SYT9: variants seen among roughly 807,000 people sequenced by gnomAD.
SYT9 encodes synaptotagmin-9.
A neutral mutation model predicts 48.4 loss-of-function variants in SYT9; 22 were observed. The ratio of observed to expected loss-of-function variants is 0.45; its 90% CI spans 0.32 to 0.65. SYT9 has a LOEUF of 0.65. Ranked by LOEUF, SYT9 falls within the 30% of genes least tolerant of loss-of-function variation. The pLI, the probability that SYT9 is intolerant of heterozygous loss-of-function variation, is 0.03. For missense variants in SYT9, 577 were observed against 622.0 expected (o/e 0.93, Z 0.77); for synonymous variants, 265 against 245.0 (o/e 1.08, Z -0.76).
intron 3 of SYT9, among the ~76,000 whole-genome samples, chr11:7,375,170 T>C (rs1371851701): frequency 6.6e-6 from 1 of 152,210 alleles, no homozygotes; most frequent in Non-Finnish European, 1.5e-5. Context: ...ATTTATTAAA[T>C]AGGGAATCCT....
intron 3 of SYT9, among the ~76,000 whole-genome samples, chr11:7,319,404 ATTTCATTGT>A (rs1849301354): frequency 1.5e-5 from 1 of 65,636 alleles, no homozygotes; most frequent in African/African-American, 3.9e-5. Context: ...TAAAACTATC[ATTTCATTGT>A]CTTCTGACCT....
chr11:7,366,849 T>A (rs1414768940), intron 3 of SYT9, among the ~76,000 whole-genome samples: 1 of 152,014 alleles, frequency 6.6e-6, no homozygotes, highest in Non-Finnish European at 1.5e-5. Context: ...CCACAAATTG[T>A]GTTCAAGTGC....
chr11:7,426,494 C>T (rs1847460581), intron 6 of SYT9, among the ~76,000 whole-genome samples: 1 of 152,198 alleles, frequency 6.6e-6, no homozygotes, highest in African/African-American at 2.4e-5. Context: ...AATACTCTCA[C>T]ATCCTTCAGG....
intron 3 of SYT9, among the ~76,000 whole-genome samples, chr11:7,340,414 T>C (rs1311201798): frequency 1.3e-5 from 2 of 152,148 alleles, no homozygotes; most frequent in African/African-American, 4.8e-5. Flanking sequence ...AGTGCAGACA[T>C]TTGGAGGATA....
At chr11:7,384,950 G>T (rs574338287) in intron 3 of SYT9, among the ~76,000 whole-genome samples, 5 of 152,100 alleles carry the variant, frequency 3.3e-5, no homozygotes, top group East Asian at 1.9e-4. Flanking sequence ...TGCATGGCTT[G>T]CTTCCTTACC....
At chr11:7,247,572 C>CATATACATATATGTGTATATATACGTAT (rs1847807028), upstream of SYT9, among the ~76,000 whole-genome samples, 1 of 142,534 alleles carries the variant, frequency 7.0e-6, no homozygotes, top group Non-Finnish European at 1.5e-5. Context: ...CATATATACA[C>CATATACATATATGTGTATATATACGTAT]ATATACATAT....
chr11:7,263,496 G>A (rs746133163), intron 1 of SYT9, among the ~76,000 whole-genome samples: 9 of 152,132 alleles, frequency 5.9e-5, no homozygotes, highest in Non-Finnish European at 1.0e-4. Context: ...ACTTACCAAG[G>A]GGTGAATAAA....
At chr11:7,421,886 C>T (rs150129870) in intron 6 of SYT9, among the ~76,000 whole-genome samples, 88 of 152,240 alleles carry the variant, frequency 5.8e-4, no homozygotes, top group Admixed American at 1.4e-3. Flanking sequence ...GCTACAAAAG[C>T]GCAAAGGAGA....
At chr11:7,261,255 C>G (rs541396640) in intron 1 of SYT9, among the ~76,000 whole-genome samples, 1 of 152,294 alleles carries the variant, frequency 6.6e-6, no homozygotes, top group East Asian at 1.9e-4. Flanking sequence ...TTTGTATCAG[C>G]TGTAGCACTG....
chr11:7,306,535 G>A (rs1849033735), intron 2 of SYT9, among the ~76,000 whole-genome samples: 1 of 152,176 alleles, frequency 6.6e-6, no homozygotes, highest in Non-Finnish European at 1.5e-5. Flanking sequence ...GAAGCTTGTT[G>A]TACTGCAGCT....
intron 1 of SYT9, among the ~76,000 whole-genome samples, chr11:7,259,197 G>A (rs1426427571): frequency 2.6e-5 from 4 of 151,924 alleles, no homozygotes; most frequent in African/African-American, 9.7e-5. Context: ...CATAGTACCT[G>A]GTATATGCTC....
intron 3 of SYT9, among the ~76,000 whole-genome samples, chr11:7,336,848 A>G (rs1849639109): frequency 6.6e-6 from 1 of 152,152 alleles, no homozygotes; most frequent in Admixed American, 6.5e-5. Flanking sequence ...TTTTGGTTCC[A>G]TATGAATTTT....
In SYT9 at chr11:7,252,596, C is replaced by A. The variant is rs959088503; in HGVS notation, c.145+265C>A. 1.3e-5 allele frequency among the ~76,000 whole-genome samples: 2 copies of A among 152,218 alleles called. No individual in the cohort carries two copies. Among genetic ancestry groups the A allele is most frequent in the Admixed American group, 1.3e-4 (2 of 15,292 alleles). ...CCACGCCCGCCACCTGCGCTCCCATCGCCAAGGCTCCTGGGGGCGGCTCCC... is the reference window on the plus strand; with the variant it reads ...CCACGCCCGCCACCTGCGCTCCCATAGCCAAGGCTCCTGGGGGCGGCTCCC... On this transcript the variant is annotated intron_variant, in intron 1 of 6. Transcript: ENST00000318881. This position sits in a 1 kb window ranked among gnomAD's most constrained non-coding sequence, Gnocchi z 6.3.
At chr11:7,298,909 C>T (rs558332588) in intron 1 of SYT9, among the ~76,000 whole-genome samples, 5 of 152,216 alleles carry the variant, frequency 3.3e-5, no homozygotes, top group African/African-American at 7.2e-5. Context: ...GTTTTATGCA[C>T]GGTCACCCCC....
chr11:7,420,782 G>A (rs2134104809), intron 6 of SYT9, 147 bp downstream of exon 6: 1 of 968,314 alleles, frequency 1.0e-6, no homozygotes, highest in Non-Finnish European at 1.5e-6. Flanking sequence ...GTTGGGACTT[G>A]CATTCAATTT....
intron 6 of SYT9, among the ~76,000 whole-genome samples, chr11:7,442,555 C>A (rs1475692753): frequency 6.6e-6 from 1 of 152,198 alleles, no homozygotes; most frequent in Non-Finnish European, 1.5e-5. Flanking sequence ...TCACCCCCAG[C>A]ACTGGGCACC....
At chr11:7,318,915 G>A (rs750766110) in intron 3 of SYT9, among the ~76,000 whole-genome samples, 15 of 152,134 alleles carry the variant, frequency 9.9e-5, no homozygotes, top group Non-Finnish European at 1.5e-4. Flanking sequence ...CATGAGTGAT[G>A]CATGTAATAT....
chr11:7,331,406 G>A (rs923809630), intron 3 of SYT9, among the ~76,000 whole-genome samples: 3 of 151,658 alleles, frequency 2.0e-5, no homozygotes, highest in Non-Finnish European at 4.4e-5. Flanking sequence ...CTCTCTAATT[G>A]TATGTATTGT....
chr11:7,334,508 A>G (rs1363496147), intron 3 of SYT9, among the ~76,000 whole-genome samples: 1 of 152,224 alleles, frequency 6.6e-6, no homozygotes, highest in East Asian at 1.9e-4. Context: ...TTTAAAGCAC[A>G]CAATTTGACA....
Sources: allele counts gnomAD v4.1 joint callset (sites outside exome capture counted in the v4.1 genomes callset), GRCh38; gene constraint gnomAD v4.1.1; non-coding constraint Gnocchi (gnomAD v3.1); transcripts MANE v1.5; gene names NCBI Gene and HGNC (gene_info 2026-07-23, HGNC 2026-07-21).